Variants in XKR6 observed in about 807,000 individuals in gnomAD.
XKR6 encodes the protein XK-related protein 6.
XKR6 carries 22 observed loss-of-function variants against 56.7 expected under a neutral mutation model. The observed-to-expected ratio is 0.39, with a 90% CI of 0.28 to 0.55. The LOEUF is 0.55. XKR6 is among the 20% of genes least tolerant of loss of function. XKR6 has a pLI of 0.66. For synonymous variants in XKR6, 524 were observed against 387.8 expected (o/e 1.35, Z -4.13); for missense variants, 852 against 889.0 (o/e 0.96, Z 0.53).
intron 1 of XKR6, among the ~76,000 whole-genome samples, chr8:10,984,216 C>T (rs545483966): frequency 6.6e-6 from 1 of 152,112 alleles, no homozygotes; most frequent in Non-Finnish European, 1.5e-5. Context: ...ATTATACAAC[C>T]GTCTCCATAG....
intron 1 of XKR6, among the ~76,000 whole-genome samples, chr8:11,157,485 G>GGTATGTATGTAT (rs112971008): frequency 6.7e-6 from 1 of 148,908 alleles, no homozygotes; most frequent in Admixed American, 6.7e-5. Flanking sequence ...TAAAATAAAA[G>GGTATGTATGTAT]GTATGTATGT....
chr8:11,059,338 G>A (rs529229175), intron 1 of XKR6, among the ~76,000 whole-genome samples: 2 of 152,342 alleles, frequency 1.3e-5, no homozygotes, highest in African/African-American at 2.4e-5. Context: ...AGGTATGAGC[G>A]CCCCGGAGAC....
At position 11,028,142 on chromosome 8, in the gene XKR6, G is replaced by A. The variant is rs191221089; in HGVS notation, c.765-103312C>T. ...TTCATCCCTGCCTCCCTCCAACCCC[G>A]GCAACCACCGAGATATTTACTCTCT... On this transcript the variant is annotated intron_variant, in intron 1 of 2. Coordinates refer to ENST00000416569, the MANE Select transcript of XKR6 (RefSeq NM_173683.4). 5.7e-3 allele frequency among the ~76,000 whole-genome samples: 787 copies of A among 137,226 alleles called. 3 individuals are homozygous for A. Among genetic ancestry groups the A allele is most frequent in the African/African-American group, 0.02 (756 of 36,910 alleles). The allele number at this position is 137,226 out of a possible 152,430, so 90.0% of individuals were successfully genotyped here.
intron 1 of XKR6, among the ~76,000 whole-genome samples, chr8:10,929,450 G>C (rs966429516): frequency 6.6e-6 from 1 of 152,224 alleles, no homozygotes; most frequent in Non-Finnish European, 1.5e-5. Context: ...CAGGCAGTCT[G>C]GCTTTGGGGC....
chr8:10,949,200 G>A (rs1016526528), intron 1 of XKR6, among the ~76,000 whole-genome samples: 6 of 152,324 alleles, frequency 3.9e-5, no homozygotes, highest in South Asian at 2.1e-4. Flanking sequence ...CCCTACTCCC[G>A]CTTCCAGCCT....
chr8:11,021,488 T>G (rs151162746), intron 1 of XKR6, among the ~76,000 whole-genome samples: 1 of 152,168 alleles, frequency 6.6e-6, no homozygotes, highest in Non-Finnish European at 1.5e-5. Context: ...TATAAATGGA[T>G]AGTCATTTCT....
intron 1 of XKR6, among the ~76,000 whole-genome samples, chr8:11,135,376 C>T (rs1265851927): frequency 6.6e-6 from 1 of 152,078 alleles, no homozygotes; most frequent in African/African-American, 2.4e-5. Context: ...GTTTCTGCCA[C>T]CCTGTAATTT....
intron 1 of XKR6, among the ~76,000 whole-genome samples, chr8:11,184,507 AG>A (rs551812598): frequency 1.6e-4 from 24 of 152,274 alleles, no homozygotes; most frequent in African/African-American, 5.8e-4. Flanking sequence ...CTAACTGAAC[AG>A]GTATTTTAAG....
At chr8:11,121,532 AC>A (rs1799453130) in intron 1 of XKR6, among the ~76,000 whole-genome samples, 1 of 152,218 alleles carries the variant, frequency 6.6e-6, no homozygotes, top group South Asian at 2.1e-4. Context: ...AAGTCAGGAA[AC>A]AACAGGTGCT....
chr8:11,093,517 G>C (rs905094874), intron 1 of XKR6, among the ~76,000 whole-genome samples: 8 of 152,336 alleles, frequency 5.3e-5, no homozygotes, highest in East Asian at 1.9e-4. Context: ...GCAGCACTTA[G>C]TGCCCGGCCA....
At chr8:11,047,041 A>C (rs916098201) in intron 1 of XKR6, among the ~76,000 whole-genome samples, 1 of 152,136 alleles carries the variant, frequency 6.6e-6, no homozygotes, top group Non-Finnish European at 1.5e-5. Context: ...CAAAGTTTCA[A>C]TTCGGCAGGA....
intron 2 of XKR6, among the ~76,000 whole-genome samples, chr8:10,914,663 T>C (rs1012909886): frequency 6.6e-6 from 1 of 152,170 alleles, no homozygotes; most frequent in Admixed American, 6.5e-5. Flanking sequence ...CTGAGCAGTC[T>C]CCCTTGCAGC....
At chr8:11,117,293 T>C (rs1799228853) in intron 1 of XKR6, among the ~76,000 whole-genome samples, 1 of 152,182 alleles carries the variant, frequency 6.6e-6, no homozygotes, top group Non-Finnish European at 1.5e-5. Context: ...GATTCTAAGA[T>C]TTCCTGTCTG....
intron 2 of XKR6, among the ~76,000 whole-genome samples, chr8:10,913,105 A>G (rs1167323810): frequency 2.0e-5 from 3 of 151,420 alleles, no homozygotes. Context: ...GAGAGAGAGT[A>G]TATATATAGA....
chr8:11,105,180 TC>T (rs1263714865), intron 1 of XKR6: 1 of 152,120 alleles, frequency 6.6e-6, no homozygotes, highest in Admixed American at 6.5e-5. Flanking sequence ...ATTGCACGGT[TC>T]CAAGAAATAG....
At chr8:10,905,453 T>C (rs1305341447) in intron 2 of XKR6, among the ~76,000 whole-genome samples, 1 of 152,116 alleles carries the variant, frequency 6.6e-6, no homozygotes, top group Admixed American at 6.5e-5. Context: ...CTTATCCCCA[T>C]ATTGTAGATG....
At chr8:11,191,701 GA>G (rs145736616) in intron 1 of XKR6, among the ~76,000 whole-genome samples, 14,777 of 83,444 alleles carry the variant, frequency 0.18, 2,040 homozygotes, top group African/African-American at 0.41. Context: ...AATGTCATGA[GA>G]AAAAAAAAAA....
chr8:10,946,381 C>T (rs761260802), intron 1 of XKR6, among the ~76,000 whole-genome samples: 1 of 152,104 alleles, frequency 6.6e-6, no homozygotes, highest in Non-Finnish European at 1.5e-5. Flanking sequence ...CAGAGCCCAC[C>T]CGGGGCAGTG....
chr8:11,100,602 C>A (rs898695783), intron 1 of XKR6, among the ~76,000 whole-genome samples: 6 of 152,294 alleles, frequency 3.9e-5, no homozygotes, highest in Middle Eastern at 3.4e-3. Context: ...AGGTGCTTTC[C>A]CCTACAACTA....
Sources: gnomAD v4.1 joint callset for allele counts (sites outside exome capture counted in the v4.1 genomes callset) on GRCh38, gnomAD v4.1.1 for gene constraint, MANE v1.5 for transcripts, NCBI Gene and HGNC (gene_info 2026-07-23, HGNC 2026-07-21) for gene names.